Variants in UBE2O observed in about 807,000 individuals in gnomAD.
UBE2O encodes the protein ubiquitin conjugating enzyme E2 O.
Under a neutral mutation model 125.8 loss-of-function variants are expected in UBE2O, and 15 were observed. The ratio of observed to expected loss-of-function variants is 0.12; its 90% CI spans 0.08 to 0.18. The LOEUF is 0.18. UBE2O is among the 10% of genes least tolerant of loss of function. The pLI is 1.00. For missense variants in UBE2O, 1,280 were observed against 1,723.6 expected (o/e 0.74, Z 4.56); for synonymous variants, 708 against 703.2 (o/e 1.01, Z -0.11).
At position 76,399,374 on chromosome 17, in the gene UBE2O, C is replaced by T. The variant is rs372642735; in HGVS notation, c.1628+75G>A. 205 of 1,428,046 alleles carry T rather than the reference C, an allele frequency of 1.4e-4. No individual in the cohort carries two copies. In the East Asian group the frequency reaches 2.7e-3, roughly 19 times the overall value. The allele number at this position is 1,428,046 out of a possible 1,614,324, so 88.5% of individuals were successfully genotyped here. A position where few individuals can be genotyped will look rare whatever the true frequency, so the allele number is the denominator to read the frequency against. ...AGAGGTGTGTGTGCGAGCGCAGGCA[C>T]GCACACCGAGGGGACGCGCACTCTG... On this transcript the variant is annotated intron_variant, in intron 9 of 17. Transcript: ENST00000319380. The surrounding 1 kb of genome is among the most constrained non-coding windows in gnomAD (Gnocchi z 6.9).
chr17:76,399,141 A>C lies in UBE2O; in HGVS notation c.1629-150T>G. 9.2e-7 allele frequency: 1 copy of C among 1,092,780 alleles called. No homozygotes were observed. Among genetic ancestry groups the C allele is most frequent in the Non-Finnish European group, 1.3e-6 (1 of 780,342 alleles). 67.7% of individuals were successfully genotyped at this position (1,092,780 alleles called of 1,614,324 possible). A position where few individuals can be genotyped will look rare whatever the true frequency, so the allele number is the denominator to read the frequency against. ...GCAGGATGAGTCTCTGGTGCACAGG[A>C]AGCTCACCCAGGGTTCCAAGGCCAC... On this transcript the variant is annotated intron_variant, in intron 9 of 17. Coordinates refer to ENST00000319380, the MANE Select transcript of UBE2O (RefSeq NM_022066.4). This position sits in a 1 kb window ranked among gnomAD's most constrained non-coding sequence, Gnocchi z 6.9.
chr17:76,447,718 A>G (rs1038833937), intron 1 of UBE2O, among the ~76,000 whole-genome samples: 7 of 152,178 alleles, frequency 4.6e-5, no homozygotes, highest in Non-Finnish European at 7.3e-5. Flanking sequence ...CCATCTGGTC[A>G]CTAGCAACAC....
chr17:76,397,020 G>A (rs1428331587), intron 13 of UBE2O, among the ~76,000 whole-genome samples, 199 bp from the exon 14 acceptor site: 2 of 152,092 alleles, frequency 1.3e-5, no homozygotes, highest in Non-Finnish European at 2.9e-5. Context: ...CCCTTCACCT[G>A]TCCCACCCTC....
At chr17:76,427,426 T>C (rs1043209188) in intron 1 of UBE2O, among the ~76,000 whole-genome samples, 4 of 152,256 alleles carry the variant, frequency 2.6e-5, no homozygotes, top group Admixed American at 6.5e-5. Flanking sequence ...TCAATCACTT[T>C]AGACATTTCT....
chr17:76,417,933 C>T (rs958267701), intron 1 of UBE2O, among the ~76,000 whole-genome samples: 6 of 152,194 alleles, frequency 3.9e-5, no homozygotes, highest in African/African-American at 1.4e-4. Flanking sequence ...TGAGTCCTGG[C>T]TCACTGCATT....
At chr17:76,447,959 C>T (rs747013689) in intron 1 of UBE2O, among the ~76,000 whole-genome samples, 3 of 152,168 alleles carry the variant, frequency 2.0e-5, no homozygotes, top group Non-Finnish European at 2.9e-5. Context: ...TTATTCCATC[C>T]GAGCAGGATC....
rs369002553 is a variant in UBE2O, at chr17:76,452,390, C to G, written c.417+335G>C. ...TCAGCAAAACGCCGCACTGGTGTAA[C>G]GCCGAACGCGCCCCAGAACCTGAGT... On this transcript the variant is annotated intron_variant, in intron 1 of 17. Transcript: ENST00000319380. This position sits in a 1 kb window ranked among gnomAD's most constrained non-coding sequence, Gnocchi z 4.4. Among the ~76,000 whole-genome samples, 77 of 152,284 alleles carry G rather than the reference C, an allele frequency of 5.1e-4. No individual in the cohort carries two copies. The Middle Eastern group carries it at 0.01, about 20-fold the overall frequency.
intron 1 of UBE2O, among the ~76,000 whole-genome samples, chr17:76,406,769 G>A (rs1236287347): frequency 2.2e-5 from 3 of 135,406 alleles, no homozygotes; most frequent in South Asian, 2.4e-4. Context: ...GCGCAGTCTC[G>A]GCTCGCTGCA....
rs894775941 is a variant in UBE2O, at chr17:76,410,600, G to GT, written c.418-5029dup. On this transcript the variant is annotated intron_variant, in intron 1 of 17. Transcript: ENST00000319380. This position sits in a 1 kb window ranked among gnomAD's most constrained non-coding sequence, Gnocchi z 4.0. The stretch of plus-strand genomic sequence containing the variant: ...CATCAAGTAGGAAAGCAATCAAATG[G>GT]TAAGTGAGGGGTCAGGGACAATGCC... Among the ~76,000 whole-genome samples the GT allele has an allele frequency of 3.9e-5, 6 of 152,188 alleles. No homozygotes were observed. Among genetic ancestry groups the GT allele is most frequent in the Admixed American group, 3.3e-4 (5 of 15,280 alleles).
Position 76,392,120 on chromosome 17 carries a change from A to T in UBE2O, c.2947-7T>A. Reference sequence around the variant, plus strand: ...TGAGAGCTGAGAAGAGGTCCTAGGTAGGGAGGGAGGGAGGGAGGCCAAGGT... The same window carrying T: ...TGAGAGCTGAGAAGAGGTCCTAGGTTGGGAGGGAGGGAGGGAGGCCAAGGT... On this transcript the variant is annotated splice_polypyrimidine_tract_variant and splice_region_variant and intron_variant, in intron 15 of 17. Transcript: ENST00000319380. 2.8e-6 allele frequency: 1 copy of T among 358,004 alleles called. No homozygotes were observed. The highest frequency in any genetic ancestry group is 5.5e-6 in the Non-Finnish European group (1 of 180,468). The allele number at this position is 358,004 out of a possible 1,614,324, so 22.2% of individuals were successfully genotyped here. A position where few individuals can be genotyped will look rare whatever the true frequency, so the allele number is the denominator to read the frequency against.
At chr17:76,431,555 T>A (rs907569704) in intron 1 of UBE2O, among the ~76,000 whole-genome samples, 2 of 152,200 alleles carry the variant, frequency 1.3e-5, no homozygotes, top group South Asian at 4.1e-4. Context: ...AAATTAGCCA[T>A]CCTTAGTTCA....
Position 76,391,400 on chromosome 17 carries a change from C to T in UBE2O, c.3422G>A (p.Arg1141His), listed in dbSNP as rs766312385. 3 of 1,613,366 alleles carry T rather than the reference C, an allele frequency of 1.9e-6. No individual in the cohort carries two copies. Among genetic ancestry groups the T allele is most frequent in the Non-Finnish European group, 1.7e-6 (2 of 1,180,038 alleles). ...ATGGGTTTCCAGCCAGGACTCGATACGGTTCACCAGCCGCCAGCCACCAGT... is the reference window on the plus strand; with the variant it reads ...ATGGGTTTCCAGCCAGGACTCGATATGGTTCACCAGCCGCCAGCCACCAGT... ...FSTGGWRLVN[R>H]IESWLETHAL... The change falls in exon 18 of 18, where the codon CGT becomes CAT. Residue 1141 changes from arginine (R) to histidine (H), a missense_variant. By Grantham distance (29) the Arg-to-His change is conservative. This residue lies in a region of UBE2O where 233 missense variants were observed against 279.0 expected (regional missense o/e 0.84). Coordinates refer to ENST00000319380, the MANE Select transcript of UBE2O (RefSeq NM_022066.4). The surrounding 1 kb of genome is among the most constrained non-coding windows in gnomAD (Gnocchi z 8.4).
At chr17:76,408,814 C>T (rs538536115) in intron 1 of UBE2O, among the ~76,000 whole-genome samples, 2 of 152,132 alleles carry the variant, frequency 1.3e-5, no homozygotes, top group African/African-American at 4.8e-5. Context: ...TTGGAATAAA[C>T]CCAATCCCTA....
chr17:76,448,555 A>C (rs187242676), intron 1 of UBE2O, among the ~76,000 whole-genome samples: 138 of 152,346 alleles, frequency 9.1e-4, no homozygotes, highest in Middle Eastern at 6.8e-3. Flanking sequence ...AGACAGCCCT[A>C]ATTTAGAGGC....
chr17:76,396,409 T>C lies in UBE2O; in HGVS notation c.2528A>G (p.Glu843Gly). Reference sequence around the variant, plus strand: ...CTTCTCCCGAGTTGGCTTCTCAGGCTCCACAGTCGGAGAGGTGGGCGAGCC... The same window carrying C: ...CTTCTCCCGAGTTGGCTTCTCAGGCCCCACAGTCGGAGAGGTGGGCGAGCC... The part of the protein sequence containing the change: ...LTGSPTSPTV[E>G]PEKPTREKKF... Residue 843 changes from glutamate (E) to glycine (G), a missense_variant, in exon 14 of 18, where the codon GAG becomes GGG. Physicochemically the swap from Glu to Gly is moderately conservative, Grantham distance 98. This residue lies in a region of UBE2O where 210 missense variants were observed against 268.9 expected (regional missense o/e 0.78). Transcript: ENST00000319380. The surrounding 1 kb of genome is among the most constrained non-coding windows in gnomAD (Gnocchi z 6.7). 1 of 1,614,174 alleles carries C rather than the reference T, an allele frequency of 6.2e-7. No homozygotes were observed. The highest frequency in any genetic ancestry group is 8.5e-7 in the Non-Finnish European group (1 of 1,180,026).
chr17:76,420,833 C>A (rs1218002675), intron 1 of UBE2O, among the ~76,000 whole-genome samples: 1 of 152,118 alleles, frequency 6.6e-6, no homozygotes, highest in East Asian at 1.9e-4. Context: ...CCACAGAAAG[C>A]CCGAGACAGG....
chr17:76,425,618 T>C (rs1313477381), intron 1 of UBE2O, among the ~76,000 whole-genome samples: 1 of 152,228 alleles, frequency 6.6e-6, no homozygotes, highest in Non-Finnish European at 1.5e-5. Flanking sequence ...TACTCCATCC[T>C]TTCAACAGTT....
intron 1 of UBE2O, among the ~76,000 whole-genome samples, chr17:76,447,612 A>T (rs1371537217): frequency 3.3e-5 from 5 of 152,232 alleles, no homozygotes; most frequent in African/African-American, 1.2e-4. Context: ...GGCCGGGGTT[A>T]CTTTAAATGT....
chr17:76,393,663 G>T (rs927815463), intron 15 of UBE2O, among the ~76,000 whole-genome samples: 9 of 152,240 alleles, frequency 5.9e-5, no homozygotes, highest in Non-Finnish European at 8.8e-5. Flanking sequence ...GCCTGGGGAA[G>T]GGGGGATGGT....
Sources: allele counts gnomAD v4.1 joint callset (sites outside exome capture counted in the v4.1 genomes callset), GRCh38; gene constraint gnomAD v4.1.1; regional missense constraint gnomAD v4.1.1; non-coding constraint Gnocchi (gnomAD v3.1); transcripts MANE v1.5; gene names NCBI Gene and HGNC (gene_info 2026-07-23, HGNC 2026-07-21).